ARFGEF3: variants seen among roughly 807,000 people sequenced by gnomAD.
ARFGEF3 encodes ARFGEF family member 3.
ARFGEF3 carries 96 observed loss-of-function variants against 221.7 expected under a neutral mutation model. The observed-to-expected ratio is 0.43, with a 90% CI of 0.37 to 0.51. The LOEUF (loss-of-function observed/expected upper bound fraction) is 0.51. ARFGEF3 is among the 20% of genes least tolerant of loss of function. The probability of loss-of-function intolerance (pLI) is 0.00; values close to 1 mark genes in which losing one functional copy is unlikely to be tolerated. For missense variants in ARFGEF3, 2,410 were observed against 2,789.9 expected (o/e 0.86, Z 3.07); for synonymous variants, 1,145 against 1,126.8 (o/e 1.02, Z -0.32).
At chr6:138,278,238 AG>A (rs1265406571) in intron 12 of ARFGEF3, among the ~76,000 whole-genome samples, 1 of 152,250 alleles carries the variant, frequency 6.6e-6, no homozygotes, top group Non-Finnish European at 1.5e-5. Context: ...ATCAGGATCC[AG>A]GCCCAGGCAG....
In ARFGEF3 at chr6:138,311,444, A is replaced by C. The variant is rs1779827668; in HGVS notation, c.4134A>C (p.Pro1378=). 1 of 1,608,778 alleles carries C rather than the reference A, an allele frequency of 6.2e-7. No homozygotes were observed. Among genetic ancestry groups the C allele is most frequent in the Non-Finnish European group, 8.5e-7 (1 of 1,177,966 alleles). Reference sequence around the variant, plus strand: ...GTAAAGAGATTGGAGACTGTGCCCCAGCACCCGGAGCCCCGTCCACAGACC... The same window carrying C: ...GTAAAGAGATTGGAGACTGTGCCCCCGCACCCGGAGCCCCGTCCACAGACC... ...VDCKEIGDCA[P]APGAPSTDLC... The change falls in exon 25 of 34, where the codon CCA becomes CCC. Residue 1378 remains proline, a synonymous_variant. Transcript: ENST00000251691.
At chr6:138,227,854 T>C (rs567109291) in intron 4 of ARFGEF3, among the ~76,000 whole-genome samples, 1 of 152,258 alleles carries the variant, frequency 6.6e-6, no homozygotes, top group East Asian at 1.9e-4. Context: ...TCTGGGAATG[T>C]CTGTCTGAGG....
At chr6:138,298,913 A>G (rs1005782854) in intron 22 of ARFGEF3, 128 bp downstream of exon 22, 15 of 769,880 alleles carry the variant, frequency 1.9e-5, no homozygotes, top group Middle Eastern at 3.8e-4. Context: ...GGAGAAGTTA[A>G]GCAGGGCTGG....
In ARFGEF3 at chr6:138,337,764, T is replaced by C. The variant is rs930643377; in HGVS notation, c.*1278T>C. 1 of 152,212 alleles carries C rather than the reference T, an allele frequency of 6.6e-6. No homozygotes were observed. The highest frequency in any genetic ancestry group is 2.4e-5 in the African/African-American group (1 of 41,458). 9.4% of individuals were successfully genotyped at this position (152,212 alleles called of 1,614,324 possible). On this transcript the variant is annotated 3_prime_UTR_variant, in exon 34 of 34. Coordinates refer to ENST00000251691, the MANE Select transcript of ARFGEF3 (RefSeq NM_020340.5). ...TTACTAGAAAATACGTTTGAAAGCT[T>C]TATCTTATTATTTACAGTATTTTTA... is the stretch of plus-strand genomic sequence containing the variant.
intron 4 of ARFGEF3, chr6:138,218,005 G>A (rs748567490): frequency 1.9e-5 from 30 of 1,611,896 alleles, no homozygotes; most frequent in Non-Finnish European, 2.5e-5. Flanking sequence ...ATCTGTGGAT[G>A]TATAGTTTTG....
At chr6:138,217,709 A>T in intron 4 of ARFGEF3, 1 of 348,456 alleles carries the variant, frequency 2.9e-6, no homozygotes. Flanking sequence ...TAATGGAGAG[A>T]CAGAAACACA....
intron 2 of ARFGEF3, among the ~76,000 whole-genome samples, chr6:138,192,636 G>T (rs1777328696): frequency 6.6e-6 from 1 of 152,224 alleles, no homozygotes; most frequent in African/African-American, 2.4e-5. Context: ...GTTGGGATTG[G>T]TCTGCAGGCT....
chr6:138,162,219 G>C lies in ARFGEF3; in HGVS notation c.85+48G>C. Reference sequence around the variant, plus strand: ...CCGCGGCGGGAGGGCCGCGCGGCCGGGGCTGAACCCGCGCCTCCGCGCGTG... The same window carrying C: ...CCGCGGCGGGAGGGCCGCGCGGCCGCGGCTGAACCCGCGCCTCCGCGCGTG... On this transcript the variant is annotated intron_variant, in intron 1 of 33. Transcript: ENST00000251691. This position sits in a 1 kb window ranked among gnomAD's most constrained non-coding sequence, Gnocchi z 4.7. The C allele has an allele frequency of 1.4e-6, 2 of 1,463,040 alleles. No individual in the cohort carries two copies. The highest frequency in any genetic ancestry group is 1.9e-6 in the Non-Finnish European group (2 of 1,069,658). The allele number at this position is 1,463,040 out of a possible 1,614,324, so 90.6% of individuals were successfully genotyped here. A position where few individuals can be genotyped will look rare whatever the true frequency, so the allele number is the denominator to read the frequency against.
intron 2 of ARFGEF3, among the ~76,000 whole-genome samples, chr6:138,176,873 T>G (rs995374031): frequency 6.6e-6 from 1 of 152,108 alleles, no homozygotes; most frequent in Admixed American, 6.5e-5. Flanking sequence ...AGCTTATTCT[T>G]TCTGGATATA....
At position 138,253,879 on chromosome 6, in the gene ARFGEF3, G is replaced by T. The variant is rs1298685784; in HGVS notation, c.666-1G>T. On this transcript the variant is annotated splice_acceptor_variant, in intron 8 of 33. Transcript: ENST00000251691. LOFTEE classifies it high-confidence loss of function. The stretch of plus-strand genomic sequence containing the variant: ...TTTGTGTCGGTTCTGCTCTTCTGCA[G>T]TGACAGCCAGCAGCTGCAGCTTCTC... The T allele has an allele frequency of 1.3e-6, 2 of 1,573,678 alleles. No individual in the cohort carries two copies. Among genetic ancestry groups the T allele is most frequent in the Admixed American group, 3.7e-5 (2 of 54,254 alleles).
In ARFGEF3 at chr6:138,256,548, G is replaced by A. The variant is rs372643782; in HGVS notation, c.1104+779G>A. On this transcript the variant is annotated intron_variant, in intron 10 of 33. Coordinates refer to ENST00000251691, the MANE Select transcript of ARFGEF3 (RefSeq NM_020340.5). ...CATTGCTGCCAACCAATATCTAGAA[G>A]TTAAATTTGAATTCTTTCTTGGTGT... Among the ~76,000 whole-genome samples the A allele has an allele frequency of 8.7e-4, 132 of 151,936 alleles. 2 individuals carry two copies. In the South Asian group the frequency reaches 0.027, roughly 31 times the overall value.
In ARFGEF3 at chr6:138,334,088, A is replaced by G. The variant is rs754726388; in HGVS notation, c.5242A>G (p.Ile1748Val). The change falls in exon 33 of 34, where the codon ATA becomes GTA. Residue 1748 changes from isoleucine (I) to valine (V), a missense_variant. Ile to Val is a conservative substitution (Grantham distance 29). Transcript: ENST00000251691. The surrounding 1 kb of genome is among the most constrained non-coding windows in gnomAD (Gnocchi z 5.1). ...CCCCTCTCCTGGAGAGGAAAAGACG[A>G]TACAAGTGCCAGAAGCCAAGCTGGC... ...KGPSPGEEKT[I>V]QVPEAKLAGF... 6.8e-6 allele frequency: 11 copies of G among 1,613,952 alleles called. No individual in the cohort carries two copies. In the East Asian group the frequency reaches 1.1e-4, roughly 16 times the overall value.
intron 2 of ARFGEF3, among the ~76,000 whole-genome samples, chr6:138,201,060 C>G (rs1777525972): frequency 6.6e-6 from 1 of 152,130 alleles, no homozygotes; most frequent in Admixed American, 6.5e-5. Context: ...GGCCGACAAA[C>G]ATACAAAAAA....
chr6:138,224,525 T>C (rs1778044101), intron 4 of ARFGEF3, among the ~76,000 whole-genome samples: 1 of 152,244 alleles, frequency 6.6e-6, no homozygotes, highest in Non-Finnish European at 1.5e-5. Context: ...TACTACATTG[T>C]CTACACATTT....
intron 5 of ARFGEF3, among the ~76,000 whole-genome samples, chr6:138,238,303 AG>A (rs1220134634): frequency 6.6e-6 from 1 of 152,212 alleles, no homozygotes; most frequent in African/African-American, 2.4e-5. Context: ...ATGGTTCCTT[AG>A]GGAAATATTA....
intron 31 of ARFGEF3, among the ~76,000 whole-genome samples, chr6:138,327,754 G>T (rs1226001470): frequency 2.0e-5 from 3 of 152,128 alleles, no homozygotes; most frequent in Admixed American, 6.5e-5. Flanking sequence ...GCTATTTGGG[G>T]TATAATGAAT....
Position 138,262,678 on chromosome 6 carries a change from T to G in ARFGEF3, c.1218-23T>G, listed in dbSNP as rs753723455. On this transcript the variant is annotated intron_variant, in intron 11 of 33. Transcript: ENST00000251691. ...TCTACATTTTATGCATTTATTCCAT[T>G]TTCTCTTTTGAACACTGTTTAGCAT... 7 of 1,564,362 alleles carry G rather than the reference T, an allele frequency of 4.5e-6. No individual in the cohort carries two copies. The Admixed American group carries it at 1.3e-4, about 29-fold the overall frequency.
intron 2 of ARFGEF3, among the ~76,000 whole-genome samples, chr6:138,171,761 CTTGA>C (rs1226783713): frequency 6.6e-6 from 1 of 151,756 alleles, no homozygotes; most frequent in Admixed American, 6.6e-5. Context: ...TTGTTGCCTG[CTTGA>C]TTTTTTTTTA....
At position 138,278,612 on chromosome 6, in the gene ARFGEF3, G is replaced by T. The variant is rs371940953; in HGVS notation, c.2290G>T (p.Val764Leu). 448 of 1,613,572 alleles carry T rather than the reference G, an allele frequency of 2.8e-4. No homozygotes were observed. The highest frequency in any genetic ancestry group is 3.5e-4 in the Non-Finnish European group (417 of 1,179,826). Residue 764 changes from valine to leucine, a missense_variant, in exon 13 of 34, where the codon GTG becomes TTG. Coordinates refer to ENST00000251691, the MANE Select transcript of ARFGEF3 (RefSeq NM_020340.5). ...YRKRPTLAPG[V>L]MKDFMKQVQT... ...GAAGCGGCCGACCCTGGCGCCAGGCGTGATGGTGAGTGTGCCGTCCCTCAT... is the reference window on the plus strand; with the variant it reads ...GAAGCGGCCGACCCTGGCGCCAGGCTTGATGGTGAGTGTGCCGTCCCTCAT...
Sources: gnomAD v4.1 joint callset for allele counts (sites outside exome capture counted in the v4.1 genomes callset) on GRCh38, gnomAD v4.1.1 for gene constraint, Gnocchi (gnomAD v3.1) non-coding constraint, MANE v1.5 for transcripts, NCBI Gene and HGNC (gene_info 2026-07-23, HGNC 2026-07-21) for gene names.